Variants in CABIN1 observed in about 807,000 individuals in gnomAD.
The protein encoded by CABIN1 is calcineurin binding protein 1, also known as calcineurin-binding protein cabin-1.
A neutral mutation model predicts 227.7 loss-of-function variants in CABIN1; 133 were observed. The ratio of observed to expected loss-of-function variants is 0.58; its 90% CI spans 0.51 to 0.67. CABIN1 has a LOEUF of 0.67. Among genes scored for constraint, CABIN1 ranks in the 30% least tolerant of loss-of-function variants. The pLI, the probability that CABIN1 is intolerant of heterozygous loss-of-function variation, is 0.00. For synonymous variants in CABIN1, 1,086 were observed against 1,155.1 expected (o/e 0.94, Z 1.21); for missense variants, 2,408 against 2,852.5 (o/e 0.84, Z 3.55).
intron 6 of CABIN1, 126 bp from the exon 7 acceptor site, chr22:24,048,965 G>A (rs1047258673): frequency 9.2e-7 from 1 of 1,086,472 alleles, no homozygotes; most frequent in African/African-American, 1.5e-5. Context: ...AGTTAAAGTG[G>A]TATCTCATTA....
intron 26 of CABIN1, among the ~76,000 whole-genome samples, chr22:24,110,489 T>C (rs2042749483): frequency 1.3e-5 from 2 of 152,246 alleles, no homozygotes; most frequent in Non-Finnish European, 2.9e-5. Context: ...ACTTTAACCA[T>C]TTCTGGGAAA....
intron 28 of CABIN1, among the ~76,000 whole-genome samples, chr22:24,130,145 A>G (rs1463501083): frequency 2.0e-5 from 3 of 152,196 alleles, no homozygotes; most frequent in African/African-American, 7.2e-5. Context: ...CAATGCAGCC[A>G]AGGAAAATGT....
At chr22:24,117,203 T>C (rs970335095) in intron 27 of CABIN1, among the ~76,000 whole-genome samples, 2 of 152,084 alleles carry the variant, frequency 1.3e-5, no homozygotes, top group Non-Finnish European at 2.9e-5. Context: ...CTGATTGTTG[T>C]TGTTGTTGTT....
chr22:24,060,900 CAAAA>C (rs200109765), intron 12 of CABIN1, among the ~76,000 whole-genome samples: 1 of 146,218 alleles, frequency 6.8e-6, no homozygotes, highest in African/African-American at 2.5e-5. Context: ...ACTCTTGTCT[CAAAA>C]AAAAAAAATT....
intron 6 of CABIN1, among the ~76,000 whole-genome samples, chr22:24,045,477 T>C (rs905332766): frequency 6.6e-6 from 1 of 150,960 alleles, no homozygotes; most frequent in Non-Finnish European, 1.5e-5. Context: ...TTTCATTAAC[T>C]GGGTGGGGTG....
At chr22:24,060,192 G>A in intron 12 of CABIN1, 51 bp downstream of exon 12, 1 of 1,531,544 alleles carries the variant, frequency 6.5e-7, no homozygotes, top group Non-Finnish European at 9.0e-7. Flanking sequence ...CAGGGCATGG[G>A]GACAGGGATC....
At chr22:24,021,490 T>C (rs1343052312) in intron 1 of CABIN1, among the ~76,000 whole-genome samples, 1 of 151,962 alleles carries the variant, frequency 6.6e-6, no homozygotes, top group Non-Finnish European at 1.5e-5. Flanking sequence ...ATTTATTTAT[T>C]ATTTTTTCAA....
intron 26 of CABIN1, among the ~76,000 whole-genome samples, chr22:24,112,594 A>G (rs951717529): frequency 2.6e-5 from 4 of 152,078 alleles, no homozygotes; most frequent in African/African-American, 7.2e-5. Flanking sequence ...GGTTGGGGAC[A>G]TGGGGTAGTT....
chr22:24,069,412 T>C (rs529256967), intron 16 of CABIN1, among the ~76,000 whole-genome samples: 1 of 152,354 alleles, frequency 6.6e-6, no homozygotes, highest in African/African-American at 2.4e-5. Context: ...CAGTCGATGG[T>C]AATTTGGTCT....
intron 24 of CABIN1, among the ~76,000 whole-genome samples, chr22:24,095,591 GA>G (rs1242705159): frequency 6.6e-6 from 1 of 152,188 alleles, no homozygotes; most frequent in Admixed American, 6.5e-5. Flanking sequence ...GGTGCCCACT[GA>G]AGGGCACAAA....
chr22:24,050,782 A>T (rs757471269), intron 7 of CABIN1, 43 bp from the exon 8 acceptor site: 1 of 1,613,026 alleles, frequency 6.2e-7, no homozygotes, highest in Non-Finnish European at 8.5e-7. Context: ...CCTCAGTTTT[A>T]GTTTGTAACA....
At chr22:24,060,256 G>C (rs2039094497) in intron 12 of CABIN1, 115 bp downstream of exon 12, 1 of 1,048,644 alleles carries the variant, frequency 9.5e-7, no homozygotes, top group Admixed American at 2.0e-5. Flanking sequence ...TGTGGGCCTG[G>C]AACCTGGTTT....
intron 10 of CABIN1, among the ~76,000 whole-genome samples, chr22:24,058,007 G>A (rs1005387211): frequency 1.1e-4 from 17 of 152,066 alleles, no homozygotes; most frequent in African/African-American, 3.6e-4. Flanking sequence ...TGTTGGTTTC[G>A]TTTGTGGTTT....
At chr22:24,018,096 C>A (rs1036741666) in intron 1 of CABIN1, among the ~76,000 whole-genome samples, 2 of 152,110 alleles carry the variant, frequency 1.3e-5, no homozygotes, top group African/African-American at 4.8e-5. Context: ...CTCAAGCAAT[C>A]CTTTCACCTC....
rs747307475 is a variant in CABIN1, at chr22:24,043,035, C to T, written c.477C>T (p.Pro159=). 3.7e-5 allele frequency: 60 copies of T among 1,613,930 alleles called. 3 individuals are homozygous for T. The highest frequency in any genetic ancestry group is 4.8e-5 in the Non-Finnish European group (57 of 1,180,022). ...EGLRCNPDHW[P]CLDNLITVLY... ...TGCGGTGCAATCCTGACCACTGGCC[C>T]TGTTTGGATAACCTAATCACTGTCC... The change falls in exon 6 of 37, where the codon CCC becomes CCT. Residue 159 remains proline (P), a synonymous_variant. Transcript: ENST00000263119.
intron 9 of CABIN1, 28 bp downstream of exon 9, chr22:24,055,187 C>T (rs765925886): frequency 8.1e-6 from 13 of 1,603,392 alleles, no homozygotes; most frequent in Middle Eastern, 1.7e-4. Context: ...ATTTGGCTTC[C>T]GGGGAGACCC....
intron 29 of CABIN1, among the ~76,000 whole-genome samples, chr22:24,158,163 G>C (rs751778774): frequency 6.6e-6 from 1 of 152,196 alleles, no homozygotes; most frequent in Non-Finnish European, 1.5e-5. Flanking sequence ...GCAGAGCTGA[G>C]CTCCTCCAGG....
intron 29 of CABIN1, among the ~76,000 whole-genome samples, chr22:24,161,389 A>G (rs2046144688): frequency 6.6e-6 from 1 of 152,174 alleles, no homozygotes; most frequent in Non-Finnish European, 1.5e-5. Context: ...CCAGGAATCA[A>G]GTGGGGCAAA....
chr22:24,083,490 G>A, intron 20 of CABIN1, 101 bp downstream of exon 20: 2 of 1,329,466 alleles, frequency 1.5e-6, no homozygotes, highest in Non-Finnish European at 2.1e-6. Flanking sequence ...AGTCCTGCTT[G>A]GAGTTGCATC....
Sources: allele counts gnomAD v4.1 joint callset (sites outside exome capture counted in the v4.1 genomes callset), GRCh38; gene constraint gnomAD v4.1.1; transcripts MANE v1.5; gene names NCBI Gene and HGNC (gene_info 2026-07-23, HGNC 2026-07-21).